Variants in EPS8L2 observed in about 807,000 individuals in gnomAD.
EPS8L2 encodes EPS8 signaling adaptor L2.
A neutral mutation model predicts 99.4 loss-of-function variants in EPS8L2; 81 were observed. The observed-to-expected ratio is 0.82, with a 90% CI of 0.68 to 0.98. EPS8L2 has a LOEUF of 0.98. Among genes scored for constraint, EPS8L2 ranks in the 50% least tolerant of loss-of-function variants. EPS8L2 has a pLI of 0.00. For synonymous variants in EPS8L2, 509 were observed against 407.3 expected (o/e 1.25, Z -3.01); for missense variants, 1,155 against 968.8 (o/e 1.19, Z -2.55).
intron 4 of EPS8L2, among the ~76,000 whole-genome samples, chr11:712,738 T>G (rs1219827207): frequency 6.6e-6 from 1 of 152,204 alleles, no homozygotes; most frequent in Non-Finnish European, 1.5e-5. Flanking sequence ...CAAAGAGCCA[T>G]CAGGAGTCCC....
At chr11:721,766 G>A (rs758210151) in intron 10 of EPS8L2, 75 bp downstream of exon 10, 2 of 1,549,650 alleles carry the variant, frequency 1.3e-6, no homozygotes, top group Non-Finnish European at 1.8e-6. Flanking sequence ...GACGGGGACG[G>A]GGCCAGGGAC....
intron 3 of EPS8L2, chr11:709,891 G>T (rs1861837901): frequency 1.9e-6 from 1 of 531,206 alleles, no homozygotes; most frequent in African/African-American, 1.9e-5. Flanking sequence ...GCGAGGTTCA[G>T]GCAGGATAAG....
chr11:726,803 T>C (rs562251531), intron 20 of EPS8L2, 52 bp downstream of exon 20: 1 of 1,578,590 alleles, frequency 6.3e-7, no homozygotes, highest in South Asian at 1.1e-5. Context: ...TGCGCCCTCC[T>C]CTCCCCCGCC....
chr11:718,887 C>A (rs1485647715), intron 4 of EPS8L2, among the ~76,000 whole-genome samples: 1 of 150,150 alleles, frequency 6.7e-6, no homozygotes, highest in African/African-American at 2.5e-5. Context: ...CCAGGATGAT[C>A]TCAATCTCCT....
At position 721,654 on chromosome 11, in the gene EPS8L2, GA is replaced by G; in HGVS notation, c.863del (p.Lys288ArgfsTer66). ...AEAFKQLNQR[K>X]KGKKKGKKAP... The stretch of plus-strand genomic sequence containing the variant: ...AGGCTTTCAAGCAGCTGAACCAGCG[GA>G]AAAAGGGGAAGAAGAAGGGCAAGAA... On this transcript the variant is annotated frameshift_variant, in exon 10 of 21. Transcript: ENST00000318562. LOFTEE classifies it high-confidence loss of function. 1.9e-6 allele frequency: 3 copies of G among 1,585,984 alleles called. No individual in the cohort carries two copies. The highest frequency in any genetic ancestry group is 1.7e-4 in the Middle Eastern group (1 of 5,912).
chr11:720,977 A>G (rs1263528505), intron 7 of EPS8L2, 68 bp downstream of exon 7: 41 of 1,033,518 alleles, frequency 4.0e-5, no homozygotes, highest in Admixed American at 8.0e-5. Flanking sequence ...GGAGGGGAGG[A>G]GCCGGCAGGG....
At chr11:718,795 A>G (rs2133519229) in intron 4 of EPS8L2, among the ~76,000 whole-genome samples, 1 of 150,954 alleles carries the variant, frequency 6.6e-6, no homozygotes, top group African/African-American at 2.4e-5. Context: ...CAGCCTCCCG[A>G]GTAGCTGGGA....
chr11:720,562 C>T (rs983397593), intron 5 of EPS8L2, 35 bp from the exon 6 acceptor site: 53 of 1,580,724 alleles, frequency 3.4e-5, no homozygotes, highest in Non-Finnish European at 4.5e-5. Context: ...GCCCAGACCC[C>T]GGGTGCGAGT....
chr11:715,060 G>C (rs113921663), intron 4 of EPS8L2, among the ~76,000 whole-genome samples: 2 of 152,066 alleles, frequency 1.3e-5, no homozygotes, highest in African/African-American at 4.8e-5. Context: ...GGCTAACATG[G>C]TGAAACCCCG....
Position 721,353 on chromosome 11 carries a change from G to A in EPS8L2, c.768+1G>A. ...GGCTCAGAAGATAGAGAAGGAGACGGTGGGTGCCCGGGCCCGGCAGGTGGC... is the reference window on the plus strand; with the variant it reads ...GGCTCAGAAGATAGAGAAGGAGACGATGGGTGCCCGGGCCCGGCAGGTGGC... On this transcript the variant is annotated splice_donor_variant, in intron 9 of 20. Coordinates refer to ENST00000318562, the MANE Select transcript of EPS8L2 (RefSeq NM_022772.4). LOFTEE classifies it high-confidence loss of function. 6.5e-7 allele frequency: 1 copy of A among 1,539,706 alleles called. No individual in the cohort carries two copies. The highest frequency in any genetic ancestry group is 8.7e-7 in the Non-Finnish European group (1 of 1,146,300).
intron 4 of EPS8L2, among the ~76,000 whole-genome samples, chr11:718,608 C>A (rs1048164499): frequency 2.2e-4 from 33 of 151,588 alleles, no homozygotes; most frequent in Admixed American, 2.2e-3. Context: ...CTTCAGCCTC[C>A]CAAGTAGCTG....
Position 726,561 on chromosome 11 carries a change from C to A in EPS8L2, c.1935-58C>A, listed in dbSNP as rs1319030716. ...GGCCGAAGGTGCGCAGCTGTCGGGG[C>A]GGGCGCCAGGCAGCCTCGCTCACAG... is the stretch of plus-strand genomic sequence containing the variant. On this transcript the variant is annotated intron_variant, in intron 19 of 20. Transcript: ENST00000318562. The A allele has an allele frequency of 2.0e-5, 29 of 1,482,004 alleles. No homozygotes were observed. In the South Asian group the frequency reaches 3.6e-4, roughly 18 times the overall value. The allele number at this position is 1,482,004 out of a possible 1,614,324, so 91.8% of individuals were successfully genotyped here.
intron 1 of EPS8L2, among the ~76,000 whole-genome samples, chr11:708,081 C>T (rs558333964): frequency 1.5e-4 from 23 of 152,274 alleles, no homozygotes; most frequent in African/African-American, 4.8e-4. Context: ...CAGAAAGTCC[C>T]GGGTGCTCCG....
At position 724,249 on chromosome 11, in the gene EPS8L2, G is replaced by T. The variant is rs1350611612; in HGVS notation, c.1455-475G>T. On this transcript the variant is annotated intron_variant, in intron 15 of 20. Transcript: ENST00000318562. The surrounding 1 kb of genome is among the most constrained non-coding windows in gnomAD (Gnocchi z 5.5). ...GGGCCAGCCCCCCCGCGCTTTTGAG[G>T]TGCAGGTCCCACCCCACAGAGAGGA... Among the ~76,000 whole-genome samples, 1 of 152,160 alleles carries T rather than the reference G, an allele frequency of 6.6e-6. No individual in the cohort carries two copies. Among genetic ancestry groups the T allele is most frequent in the Non-Finnish European group, 1.5e-5 (1 of 68,026 alleles).
At chr11:715,742 TCCCA>T (rs1862007607) in intron 4 of EPS8L2, among the ~76,000 whole-genome samples, 1 of 146,708 alleles carries the variant, frequency 6.8e-6, no homozygotes, top group African/African-American at 2.5e-5. Flanking sequence ...TGCCTCAGCC[TCCCA>T]AGTAGCTGGG....
chr11:726,813 C>G, intron 20 of EPS8L2, 62 bp downstream of exon 20: 1 of 1,581,360 alleles, frequency 6.3e-7, no homozygotes, highest in Admixed American at 1.8e-5. Flanking sequence ...TCTCCCCCGC[C>G]CGTTCCTGGG....
At position 709,631 on chromosome 11, in the gene EPS8L2, C is replaced by G. The variant is rs774156092; in HGVS notation, c.100+23C>G. 9 of 1,610,980 alleles carry G rather than the reference C, an allele frequency of 5.6e-6. No homozygotes were observed. The African/African-American group carries it at 1.2e-4, about 22-fold the overall frequency. ...TTGGTGAGTGAGGTTTGAGAACGGGCTGGACGTCACAGGGGAGAAATGGGC... is the reference window on the plus strand; with the variant it reads ...TTGGTGAGTGAGGTTTGAGAACGGGGTGGACGTCACAGGGGAGAAATGGGC... On this transcript the variant is annotated intron_variant, in intron 3 of 20. Coordinates refer to ENST00000318562, the MANE Select transcript of EPS8L2 (RefSeq NM_022772.4).
chr11:717,072 G>T (rs1490373846), intron 4 of EPS8L2, among the ~76,000 whole-genome samples: 1 of 152,302 alleles, frequency 6.6e-6, no homozygotes, highest in Admixed American at 6.5e-5. Flanking sequence ...TACCTTCCGG[G>T]TTCAAGTGAT....
rs146022380 is a variant in EPS8L2 at position 722,685 on chromosome 11, G to C, written c.1221G>C (p.Pro407=). 102 of 1,607,244 alleles carry C rather than the reference G, an allele frequency of 6.3e-5. No individual in the cohort carries two copies. Among genetic ancestry groups the C allele is most frequent in the Non-Finnish European group, 8.4e-5 (99 of 1,177,764 alleles). ...CCTCTCACCCCAGTTCCGAGTGGCC[G>C]CGGGAGCCACAGGTGCCCCTCTACG... The part of the protein sequence containing the change: ...ESWMRPRSEW[P]REPQVPLYVP... Residue 407 remains proline, a synonymous_variant, in exon 14 of 21, where the codon CCG becomes CCC. Transcript: ENST00000318562.
Sources: gnomAD v4.1 joint callset for allele counts (sites outside exome capture counted in the v4.1 genomes callset) on GRCh38, gnomAD v4.1.1 for gene constraint, Gnocchi (gnomAD v3.1) non-coding constraint, MANE v1.5 for transcripts, NCBI Gene and HGNC (gene_info 2026-07-23, HGNC 2026-07-21) for gene names.